The following PTPN4 variants were observed in gnomAD, a reference collection of about 807,000 sequenced individuals.
The protein encoded by PTPN4 is protein tyrosine phosphatase non-receptor type 4.
In PTPN4, 49 loss-of-function variants were observed where a neutral mutation model predicts 135.5. That is an observed-to-expected ratio of 0.36 (90% confidence interval 0.29 to 0.46). The LOEUF is 0.46. Among genes scored for constraint, PTPN4 ranks in the 20% least tolerant of loss-of-function variants. The probability of loss-of-function intolerance (pLI) is 1.00; values close to 1 mark genes in which losing one functional copy is unlikely to be tolerated. For missense variants in PTPN4, 860 were observed against 1,101.0 expected (o/e 0.78, Z 3.10); for synonymous variants, 333 against 369.9 (o/e 0.90, Z 1.14).
In PTPN4 at chr2:119,955,138, T is replaced by A. The variant is rs1260251852; in HGVS notation, c.1814-19T>A. The A allele has an allele frequency of 1.9e-6, 3 of 1,573,874 alleles. No individual in the cohort carries two copies. The highest frequency in any genetic ancestry group is 2.6e-6 in the Non-Finnish European group (3 of 1,164,792). ...TAAGATTTCCACGTTTTGGGGTTTG[T>A]TTGATTTTTTTTTTTTAGCTGTATA... is the stretch of plus-strand genomic sequence containing the variant. On this transcript the variant is annotated intron_variant, in intron 19 of 26. Coordinates refer to ENST00000263708, the MANE Select transcript of PTPN4 (RefSeq NM_002830.4).
intron 9 of PTPN4, among the ~76,000 whole-genome samples, chr2:119,886,345 C>T (rs895495622): frequency 2.0e-5 from 3 of 152,150 alleles, no homozygotes; most frequent in Non-Finnish European, 4.4e-5. Flanking sequence ...TATCTCCCCC[C>T]ATCCCTGTAG....
At chr2:119,934,413 G>A (rs1022252573) in intron 14 of PTPN4, among the ~76,000 whole-genome samples, 2 of 152,088 alleles carry the variant, frequency 1.3e-5, no homozygotes, top group South Asian at 4.1e-4. Context: ...TTCAAAGAAA[G>A]TCCCATAAAT....
Position 119,882,600 on chromosome 2 carries a change from T to G in PTPN4, c.564T>G (p.Ile188Met). The G allele has an allele frequency of 6.4e-7, 1 of 1,552,744 alleles. No homozygotes were observed. The highest frequency in any genetic ancestry group is 1.4e-5 in the African/African-American group (1 of 72,746). Residue 188 changes from isoleucine (I) to methionine (M), a missense_variant, in exon 8 of 27, where the codon ATT becomes ATG. This residue lies in a region of PTPN4 where 684 missense variants were observed against 807.0 expected (regional missense o/e 0.85). Coordinates refer to ENST00000263708, the MANE Select transcript of PTPN4 (RefSeq NM_002830.4). The stretch of plus-strand genomic sequence containing the variant: ...AACCTCAAGATTTTGAAAAAGAAAT[T>G]GCAAAATTACATCAGCAACACATGT... ...PNQPQDFEKE[I>M]AKLHQQHIGL... is the part of the protein sequence containing the mutation.
intron 1 of PTPN4, among the ~76,000 whole-genome samples, chr2:119,780,030 G>A (rs1486463882): frequency 6.6e-6 from 1 of 151,644 alleles, no homozygotes; most frequent in African/African-American, 2.4e-5. Context: ...ACAGGCATGA[G>A]CCACCACACC....
Position 119,962,742 on chromosome 2 carries a change from GA to G in PTPN4, c.2408del (p.Glu803GlyfsTer14). The G allele has an allele frequency of 6.4e-7, 1 of 1,574,164 alleles. No homozygotes were observed. The highest frequency in any genetic ancestry group is 1.2e-5 in the South Asian group (1 of 85,358). On this transcript the variant is annotated frameshift_variant and splice_region_variant, in exon 24 of 27. Coordinates refer to ENST00000263708, the MANE Select transcript of PTPN4 (RefSeq NM_002830.4). LOFTEE classifies it high-confidence loss of function. ...IFRKMTLFNQEKNESRPLTQI... is the reference protein window; with the variant it reads ...IFRKMTLFNQXKNESRPLTQI... ...CAGGAAGATGACCCTATTTAACCAA[GA>G]GGTAAGAAGGCAGGATATCTGTTCA...
rs1428493526 is a variant in PTPN4, at chr2:119,784,524, C to T, written c.-18+24140C>T. Among the ~76,000 whole-genome samples, 8 of 151,274 alleles carry T rather than the reference C, an allele frequency of 5.3e-5. No individual in the cohort carries two copies. The East Asian group carries it at 1.6e-3, about 30-fold the overall frequency. On this transcript the variant is annotated intron_variant, in intron 1 of 26. Transcript: ENST00000263708. Reference sequence around the variant, plus strand: ...GCCTCAGCCTCCCGAGTAGCTGGGACTACAGGCGCCTGCCACCATGCCCGG... The same window carrying T: ...GCCTCAGCCTCCCGAGTAGCTGGGATTACAGGCGCCTGCCACCATGCCCGG...
At chr2:119,802,048 C>T (rs970809787) in intron 1 of PTPN4, among the ~76,000 whole-genome samples, 1 of 151,784 alleles carries the variant, frequency 6.6e-6, no homozygotes, top group African/African-American at 2.4e-5. Context: ...CTACAACAGG[C>T]GCCCGCCACC....
At chr2:119,965,811 CA>C (rs1362430809) in intron 25 of PTPN4, among the ~76,000 whole-genome samples, 166 bp downstream of exon 25, 3 of 152,140 alleles carry the variant, frequency 2.0e-5, no homozygotes, top group African/African-American at 7.2e-5. Context: ...ATATGATTGG[CA>C]GTAACTTTAT....
At chr2:119,761,259 A>G (rs1200520205) in intron 1 of PTPN4, among the ~76,000 whole-genome samples, 2 of 152,222 alleles carry the variant, frequency 1.3e-5, no homozygotes, top group Non-Finnish European at 2.9e-5. Context: ...CTTGCAAAAG[A>G]CAATTAGAGT....
chr2:119,960,841 A>C lies in PTPN4; in HGVS notation c.2168A>C (p.Tyr723Ser). 6.2e-7 allele frequency: 1 copy of C among 1,613,480 alleles called. No homozygotes were observed. The highest frequency in any genetic ancestry group is 8.5e-7 in the Non-Finnish European group (1 of 1,179,850). The change falls in exon 23 of 27, where the codon TAC (tyrosine) becomes TCC (serine). Residue 723 changes from tyrosine to serine, a missense_variant. Transcript: ENST00000263708. ...CCTTCTTCCAGCATTATAAATCAGT[A>C]CATTGCTTGTCAAGGGCCATTACCA... ...EIPSSSIINQ[Y>S]IACQGPLPHT...
chr2:119,789,574 A>G (rs1032752978), intron 1 of PTPN4, among the ~76,000 whole-genome samples: 1 of 152,068 alleles, frequency 6.6e-6, no homozygotes, highest in African/African-American at 2.4e-5. Context: ...TCTACATCCC[A>G]TCTATTTTGA....
intron 9 of PTPN4, among the ~76,000 whole-genome samples, chr2:119,887,913 G>A (rs1350029109): frequency 7.9e-5 from 12 of 152,104 alleles, no homozygotes; most frequent in African/African-American, 2.9e-4. Context: ...GAAGAACGAT[G>A]TTGGTATTTT....
intron 25 of PTPN4, among the ~76,000 whole-genome samples, chr2:119,965,983 G>A (rs1016137283): frequency 3.3e-5 from 5 of 152,118 alleles, no homozygotes; most frequent in African/African-American, 1.2e-4. Flanking sequence ...CAAAATATTC[G>A]AGACTGGGTA....
chr2:119,853,854 CA>C (rs1574371036), intron 2 of PTPN4, among the ~76,000 whole-genome samples: 1 of 152,202 alleles, frequency 6.6e-6, no homozygotes, highest in East Asian at 1.9e-4. Context: ...ACTAGAGGAA[CA>C]CCAGGGTCCT....
chr2:119,894,235 A>G (rs117607416), intron 9 of PTPN4, among the ~76,000 whole-genome samples: 2 of 152,334 alleles, frequency 1.3e-5, no homozygotes, highest in East Asian at 3.9e-4. Flanking sequence ...CGACAGATCC[A>G]TTAAAATAAT....
chr2:119,764,202 C>A (rs1008583366), intron 1 of PTPN4, among the ~76,000 whole-genome samples: 1 of 152,194 alleles, frequency 6.6e-6, no homozygotes, highest in African/African-American at 2.4e-5. Flanking sequence ...TCCCCACCTC[C>A]CCAACTGTTC....
At position 119,882,522 on chromosome 2, in the gene PTPN4, T is replaced by G. The variant is rs1678095930; in HGVS notation, c.486T>G (p.Asp162Glu). The G allele has an allele frequency of 1.3e-6, 2 of 1,537,612 alleles. No homozygotes were observed. Among genetic ancestry groups the G allele is most frequent in the South Asian group, 2.5e-5 (2 of 80,698 alleles). The part of the protein sequence containing the change: ...FAVQSELGDY[D>E]QSENLSGYLS... ...TATTAGCTGAACTTGGAGACTACGATCAGTCAGAGAACTTGTCAGGCTACC... is the reference window on the plus strand; with the variant it reads ...TATTAGCTGAACTTGGAGACTACGAGCAGTCAGAGAACTTGTCAGGCTACC... The change falls in exon 8 of 27, where the codon GAT becomes GAG. Residue 162 changes from aspartate (D) to glutamate (E), a missense_variant. Around this residue, in one of 2 missense-constraint regions of PTPN4, gnomAD observed 684 missense variants for 807.0 expected, o/e 0.85. Coordinates refer to ENST00000263708, the MANE Select transcript of PTPN4 (RefSeq NM_002830.4).
intron 1 of PTPN4, among the ~76,000 whole-genome samples, chr2:119,786,546 G>A (rs1239898723): frequency 6.6e-6 from 1 of 152,184 alleles, no homozygotes; most frequent in Non-Finnish European, 1.5e-5. Flanking sequence ...GATTCTGTCA[G>A]TGCTGAGGGC....
intron 3 of PTPN4, among the ~76,000 whole-genome samples, chr2:119,864,132 TTCAG>T (rs1367640602): frequency 6.6e-6 from 1 of 152,144 alleles, no homozygotes; most frequent in African/African-American, 2.4e-5. Flanking sequence ...AAAATTGTTC[TTCAG>T]GAATTCTCAT....
Sources: gnomAD v4.1 joint callset for allele counts (sites outside exome capture counted in the v4.1 genomes callset) on GRCh38, gnomAD v4.1.1 for gene constraint, gnomAD v4.1.1 regional missense constraint, MANE v1.5 for transcripts, NCBI Gene and HGNC (gene_info 2026-07-23, HGNC 2026-07-21) for gene names.